LIMCH1: variants seen among roughly 807,000 people sequenced by gnomAD.
LIMCH1 encodes LIM and calponin homology domains-containing protein 1.
Under a neutral mutation model 176.5 loss-of-function variants are expected in LIMCH1, and 113 were observed. The observed-to-expected ratio is 0.64, with a 90% CI of 0.55 to 0.75. The LOEUF is 0.75. LIMCH1 is among the 30% of genes least tolerant of loss of function. The pLI, the probability that LIMCH1 is intolerant of heterozygous loss-of-function variation, is 0.00. For synonymous variants in LIMCH1, 619 were observed against 645.9 expected (o/e 0.96, Z 0.63); for missense variants, 1,674 against 1,814.9 (o/e 0.92, Z 1.41).
At chr4:41,559,709 C>T (rs995788683) in intron 1 of LIMCH1, among the ~76,000 whole-genome samples, 3 of 152,116 alleles carry the variant, frequency 2.0e-5, no homozygotes, top group Admixed American at 6.6e-5. Flanking sequence ...TGTTTGATAC[C>T]ATTGGTCAGT....
At position 41,390,239 on chromosome 4, in the gene LIMCH1, GGAGAGAGAGA is replaced by G. The variant is rs34011822; in HGVS notation, c.96+29329_96+29338del. 8.2e-3 allele frequency among the ~76,000 whole-genome samples: 1,136 copies of G among 138,428 alleles called. 20 individuals carry two copies. The highest frequency in any genetic ancestry group is 0.028 in the African/African-American group (1,048 of 37,860). The allele number at this position is 138,428 out of a possible 152,430, so 90.8% of individuals were successfully genotyped here. A position where few individuals can be genotyped will look rare whatever the true frequency, so the allele number is the denominator to read the frequency against. The stretch of plus-strand genomic sequence containing the variant: ...TCTGCTCTACCTGCATCTCTCTCAG[GGAGAGAGAGA>G]GAGAGAGAGAGAGAGAGAGAGAGAG... On this transcript the variant is annotated intron_variant, in intron 1 of 26. Coordinates refer to the LIMCH1 transcript ENST00000313860.
chr4:41,585,716 T>G (rs1023180437), intron 1 of LIMCH1, among the ~76,000 whole-genome samples: 4 of 152,224 alleles, frequency 2.6e-5, no homozygotes, highest in Admixed American at 1.3e-4. Context: ...TCTGTCTTTT[T>G]AAAAACAGGC....
chr4:41,393,223 G>A (rs987715105), intron 1 of LIMCH1, among the ~76,000 whole-genome samples: 2 of 152,182 alleles, frequency 1.3e-5, no homozygotes, highest in Non-Finnish European at 2.9e-5. Flanking sequence ...TTGGCTGCCT[G>A]TTGTCTCTGG....
At chr4:41,368,511 A>G (rs1581100723) in intron 1 of LIMCH1, among the ~76,000 whole-genome samples, 2 of 152,208 alleles carry the variant, frequency 1.3e-5, no homozygotes, top group African/African-American at 4.8e-5. Flanking sequence ...CACTCTTTAA[A>G]AAGACAAGGA....
At chr4:41,480,499 C>T (rs1336608175) in intron 1 of LIMCH1, among the ~76,000 whole-genome samples, 4 of 152,012 alleles carry the variant, frequency 2.6e-5, no homozygotes, top group East Asian at 1.9e-4. Flanking sequence ...CCCAGCTACT[C>T]GGGAGGCTGA....
At chr4:41,373,582 A>G (rs2054291575) in intron 1 of LIMCH1, among the ~76,000 whole-genome samples, 1 of 152,238 alleles carries the variant, frequency 6.6e-6, no homozygotes, top group Non-Finnish European at 1.5e-5. Context: ...TGTCCTAAGC[A>G]CCTGACTTTT....
chr4:41,516,398 C>T (rs1164789819), intron 2 of LIMCH1, among the ~76,000 whole-genome samples: 1 of 152,162 alleles, frequency 6.6e-6, no homozygotes, highest in Non-Finnish European at 1.5e-5. Context: ...AGTGAAGCAT[C>T]ATAGAAAAGC....
At chr4:41,595,506 C>G (rs2088583127) in intron 1 of LIMCH1, among the ~76,000 whole-genome samples, 1 of 152,190 alleles carries the variant, frequency 6.6e-6, no homozygotes. Context: ...GCCTCAACTA[C>G]TCCTCTAGAA....
chr4:41,571,095 T>TGAAAAAAA (rs1470601805), intron 1 of LIMCH1, among the ~76,000 whole-genome samples: 39 of 152,186 alleles, frequency 2.6e-4, no homozygotes, highest in African/African-American at 8.9e-4. Context: ...AAATAAAGAC[T>TGAAAAAAA]GTGATTATGA....
chr4:41,664,038 T>G (rs1372626343), intron 20 of LIMCH1, among the ~76,000 whole-genome samples: 1 of 151,764 alleles, frequency 6.6e-6, no homozygotes, highest in African/African-American at 2.4e-5. Flanking sequence ...AGACCCCATC[T>G]CAAAAACAAA....
At chr4:41,371,650 C>A (rs1172535030) in intron 1 of LIMCH1, among the ~76,000 whole-genome samples, 1 of 152,152 alleles carries the variant, frequency 6.6e-6, no homozygotes, top group Non-Finnish European at 1.5e-5. Flanking sequence ...TGCCCCCGTC[C>A]CAGTTTGAAG....
intron 1 of LIMCH1, among the ~76,000 whole-genome samples, chr4:41,555,821 C>A (rs2081166477): frequency 6.6e-6 from 1 of 152,166 alleles, no homozygotes; most frequent in Admixed American, 6.5e-5. Flanking sequence ...TCACAGCTCA[C>A]AACCTCGACC....
At chr4:41,612,079 G>A (rs2091487106) in intron 4 of LIMCH1, among the ~76,000 whole-genome samples, 1 of 152,166 alleles carries the variant, frequency 6.6e-6, no homozygotes, top group African/African-American at 2.4e-5. Context: ...TCAGTCCTCT[G>A]TCTGGAGGCT....
In LIMCH1 at chr4:41,698,819, T is replaced by C. The variant is rs947136155; in HGVS notation, c.*1634T>C. The C allele has an allele frequency of 2.0e-5, 3 of 150,636 alleles. No individual in the cohort carries two copies. The highest frequency in any genetic ancestry group is 7.4e-5 in the African/African-American group (3 of 40,772). The allele number at this position is 150,636 out of a possible 1,614,324, so 9.3% of individuals were successfully genotyped here. A position where few individuals can be genotyped will look rare whatever the true frequency, so the allele number is the denominator to read the frequency against. ...GTCATTTGGATGAGCTGTTATTAGA[T>C]TGAAATCTACACATCATTTCATTAA... On this transcript the variant is annotated 3_prime_UTR_variant, in exon 32 of 32. Coordinates refer to ENST00000503057, the MANE Select transcript of LIMCH1 (RefSeq NM_001330672.2).
In LIMCH1 at chr4:41,390,045, A is replaced by AT. The variant is rs908652975; in HGVS notation, c.96+29119dup. Among the ~76,000 whole-genome samples, 68 of 148,916 alleles carry AT rather than the reference A, an allele frequency of 4.6e-4. No individual in the cohort carries two copies. In the South Asian group the frequency reaches 8.1e-3, roughly 18 times the overall value. ...TCACTGCAGAAGCATCAGCAGCACC[A>AT]TTTTTTTTTTAACTGGAGAGACAAG... On this transcript the variant is annotated intron_variant, in intron 1 of 26. Transcript: ENST00000313860.
intron 20 of LIMCH1, among the ~76,000 whole-genome samples, chr4:41,663,598 AG>A (rs1240931791): frequency 5.3e-5 from 8 of 152,108 alleles, no homozygotes; most frequent in African/African-American, 1.9e-4. Context: ...TTTTTATTAA[AG>A]TTTCTTCCTT....
At chr4:41,458,456 G>T (rs1393720167) in intron 1 of LIMCH1, among the ~76,000 whole-genome samples, 1 of 152,032 alleles carries the variant, frequency 6.6e-6, no homozygotes, top group African/African-American at 2.4e-5. Flanking sequence ...GGAGAGAGTA[G>T]GAGCCAAGGC....
At chr4:41,551,930 C>T (rs867062409) in intron 1 of LIMCH1, among the ~76,000 whole-genome samples, 1 of 152,116 alleles carries the variant, frequency 6.6e-6, no homozygotes, top group Non-Finnish European at 1.5e-5. Context: ...AGTCTGTTCT[C>T]GTGCTGCTAA....
rs1315361750 is a variant in LIMCH1 at position 41,620,434 on chromosome 4, A to G, written c.469A>G (p.Thr157Ala). 3 of 1,535,920 alleles carry G rather than the reference A, an allele frequency of 2.0e-6. No homozygotes were observed. The highest frequency in any genetic ancestry group is 1.7e-6 in the Non-Finnish European group (2 of 1,146,872). Reference protein sequence around the residue: ...GGERPFSFPETIEEEGSEVGS... With the variant: ...GGERPFSFPEAIEEEGSEVGS... Reference sequence around the variant, plus strand: ...TGTCCAACTCACTAGCTTTCCTGAAACGATAGAGGAAGAGGGGAGTGAAGT... The same window carrying G: ...TGTCCAACTCACTAGCTTTCCTGAAGCGATAGAGGAAGAGGGGAGTGAAGT... Residue 157 changes from threonine (T) to alanine (A), a missense_variant, in exon 7 of 32, where the codon ACG becomes GCG. By Grantham distance (58) the Thr-to-Ala change is moderately conservative. Transcript: ENST00000503057.
Sources: gnomAD v4.1 joint callset for allele counts (sites outside exome capture counted in the v4.1 genomes callset) on GRCh38, gnomAD v4.1.1 for gene constraint, MANE v1.5 for transcripts, NCBI Gene and HGNC (gene_info 2026-07-23, HGNC 2026-07-21) for gene names.